TOB1: variants seen among roughly 807,000 people sequenced by gnomAD.
TOB1 encodes the protein protein Tob1.
In TOB1, 2 loss-of-function variants were observed where a neutral mutation model predicts 22.9. The observed-to-expected ratio is 0.09, with a 90% CI of 0.04 to 0.28. TOB1 has a LOEUF of 0.28. TOB1 is among the 10% of genes least tolerant of loss of function. TOB1 has a pLI of 1.00. For synonymous variants in TOB1, 154 were observed against 150.6 expected (o/e 1.02, Z -0.17); for missense variants, 299 against 420.5 (o/e 0.71, Z 2.53).
Position 50,862,603 on chromosome 17 carries a change from A to T in TOB1, c.*377T>A, listed in dbSNP as rs528984520. On this transcript the variant is annotated 3_prime_UTR_variant, in exon 2 of 2. Transcript: ENST00000499247. ...AGTAAAAAGATATAAATGCAATACCATGTCGTAGAAACAATATATATATAT... is the reference window on the plus strand; with the variant it reads ...AGTAAAAAGATATAAATGCAATACCTTGTCGTAGAAACAATATATATATAT... The T allele has an allele frequency of 2.3e-4, 37 of 163,518 alleles. No individual in the cohort carries two copies. The highest frequency in any genetic ancestry group is 8.3e-4 in the African/African-American group (35 of 41,938). The allele number at this position is 163,518 out of a possible 1,614,324, so 10.1% of individuals were successfully genotyped here.
rs1475322582 is a variant in TOB1 at position 50,863,148 on chromosome 17, G to A, written c.870C>T (p.Phe290=). 4.3e-6 allele frequency: 7 copies of A among 1,614,014 alleles called. No individual in the cohort carries two copies. The Admixed American group carries it at 1.2e-4, about 27-fold the overall frequency. The change falls in exon 2 of 2, where the codon TTC becomes TTT. Residue 290 remains phenylalanine, a synonymous_variant. Transcript: ENST00000499247. ...TGAGGTTAAGGGGGCTGTCACCTGGGAACATTCCATTGGTACTACTACCTT... is the reference window on the plus strand; with the variant it reads ...TGAGGTTAAGGGGGCTGTCACCTGGAAACATTCCATTGGTACTACTACCTT... The part of the protein sequence containing the change: ...QGQGSSTNGM[F]PGDSPLNLSP...
chr17:50,864,267 G>C (rs1472610993), intron 1 of TOB1, 104 bp from the exon 2 acceptor site: 4 of 546,112 alleles, frequency 7.3e-6, no homozygotes, highest in South Asian at 5.3e-5. Context: ...CTAAGATCCT[G>C]TGTTAGTCTG....
rs1305369211 is a variant in TOB1, at chr17:50,862,604, T to A, written c.*376A>T. On this transcript the variant is annotated 3_prime_UTR_variant, in exon 2 of 2. Coordinates refer to ENST00000499247, the MANE Select transcript of TOB1 (RefSeq NM_005749.4). ...GTAAAAAGATATAAATGCAATACCA[T>A]GTCGTAGAAACAATATATATATATC... 1.2e-5 allele frequency: 2 copies of A among 163,400 alleles called. No individual in the cohort carries two copies. The highest frequency in any genetic ancestry group is 4.8e-5 in the African/African-American group (2 of 41,796). 10.1% of individuals were successfully genotyped at this position (163,400 alleles called of 1,614,324 possible).
rs1259059070 is a variant in TOB1 at position 50,862,686 on chromosome 17, T to C, written c.*294A>G. The C allele has an allele frequency of 3.7e-6, 1 of 268,906 alleles. No individual in the cohort carries two copies. Among genetic ancestry groups the C allele is most frequent in the Non-Finnish European group, 6.9e-6 (1 of 145,012 alleles). 16.7% of individuals were successfully genotyped at this position (268,906 alleles called of 1,614,324 possible). A position where few individuals can be genotyped will look rare whatever the true frequency, so the allele number is the denominator to read the frequency against. On this transcript the variant is annotated 3_prime_UTR_variant, in exon 2 of 2. Transcript: ENST00000499247. Reference sequence around the variant, plus strand: ...AAATTATACAATTAGAAAAGACCAATAAACCCACTTATTAGTGCCAATTTT... The same window carrying C: ...AAATTATACAATTAGAAAAGACCAACAAACCCACTTATTAGTGCCAATTTT...
chr17:50,865,710 G>A (rs1276818610), intron 1 of TOB1, among the ~76,000 whole-genome samples: 3 of 151,938 alleles, frequency 2.0e-5, no homozygotes, highest in East Asian at 1.9e-4. Flanking sequence ...GGGGAGCACC[G>A]GTTCCTCGGC....
rs773238488 is a variant in TOB1, at chr17:50,862,945, G to A, written c.*35C>T. On this transcript the variant is annotated 3_prime_UTR_variant, in exon 2 of 2. Transcript: ENST00000499247. ...GAAAAAAAAAATCCCCCTTGGGCCCGTGCATTTTAACTTGTACGATACATT... is the reference window on the plus strand; with the variant it reads ...GAAAAAAAAAATCCCCCTTGGGCCCATGCATTTTAACTTGTACGATACATT... The A allele has an allele frequency of 2.1e-5, 32 of 1,532,074 alleles. No homozygotes were observed. The highest frequency in any genetic ancestry group is 1.5e-4 in the Admixed American group (7 of 46,762). The allele number at this position is 1,532,074 out of a possible 1,614,324, so 94.9% of individuals were successfully genotyped here. A position where few individuals can be genotyped will look rare whatever the true frequency, so the allele number is the denominator to read the frequency against.
intron 1 of TOB1, among the ~76,000 whole-genome samples, chr17:50,864,431 C>A (rs761731215): frequency 2.0e-5 from 3 of 152,044 alleles, no homozygotes; most frequent in Non-Finnish European, 4.4e-5. Flanking sequence ...CTTTTAAAAA[C>A]CTGTTTCTGA....
Position 50,862,741 on chromosome 17 carries a change from A to T in TOB1, c.*239T>A. The stretch of plus-strand genomic sequence containing the variant: ...AAAAAAAATCAGCCATGTCCTTGCT[A>T]TATCTTAAATACTGTAAGAGGCCAT... On this transcript the variant is annotated 3_prime_UTR_variant, in exon 2 of 2. Transcript: ENST00000499247. 2.2e-6 allele frequency: 1 copy of T among 444,962 alleles called. No individual in the cohort carries two copies. Among genetic ancestry groups the T allele is most frequent in the Non-Finnish European group, 3.6e-6 (1 of 274,148 alleles). The allele number at this position is 444,962 out of a possible 1,614,324, so 27.6% of individuals were successfully genotyped here.
Position 50,863,580 on chromosome 17 carries a change from G to A in TOB1, c.438C>T (p.Ala146=). The change falls in exon 2 of 2, where the codon GCC becomes GCT. Residue 146 remains alanine, a synonymous_variant. Transcript: ENST00000499247. ...AQVFMPISDP[A]SSVSSSPSPP... ...GCGATGGAGAGCTGGACACTGATGAGGCTGGGTCACTTATGGGCATAAAAA... is the reference window on the plus strand; with the variant it reads ...GCGATGGAGAGCTGGACACTGATGAAGCTGGGTCACTTATGGGCATAAAAA... The A allele has an allele frequency of 8.7e-6, 14 of 1,614,162 alleles. No individual in the cohort carries two copies. The highest frequency in any genetic ancestry group is 1.2e-5 in the Non-Finnish European group (14 of 1,180,042).
chr17:50,864,034 A>G lies in TOB1; in HGVS notation c.-17T>C, dbSNP rs1972259351. On this transcript the variant is annotated 5_prime_UTR_variant, in exon 2 of 2. Coordinates refer to ENST00000499247, the MANE Select transcript of TOB1 (RefSeq NM_005749.4). ...AAGCTGCATAGCTGCTACGCCACAA[A>G]ATTAGGTTTCAACTCCCCCACCAAA... The G allele has an allele frequency of 8.9e-7, 1 of 1,129,722 alleles. No homozygotes were observed. The highest frequency in any genetic ancestry group is 3.2e-5 in the Admixed American group (1 of 31,354). 70.0% of individuals were successfully genotyped at this position (1,129,722 alleles called of 1,614,324 possible). A position where few individuals can be genotyped will look rare whatever the true frequency, so the allele number is the denominator to read the frequency against.
chr17:50,862,761 G>T lies in TOB1; in HGVS notation c.*219C>A. 1 of 559,720 alleles carries T rather than the reference G, an allele frequency of 1.8e-6. No individual in the cohort carries two copies. The highest frequency in any genetic ancestry group is 2.8e-6 in the Non-Finnish European group (1 of 358,174). 34.7% of individuals were successfully genotyped at this position (559,720 alleles called of 1,614,324 possible). A position where few individuals can be genotyped will look rare whatever the true frequency, so the allele number is the denominator to read the frequency against. The stretch of plus-strand genomic sequence containing the variant: ...TTGCTATATCTTAAATACTGTAAGA[G>T]GCCATATCTGAGAGTATACTTTAAA... On this transcript the variant is annotated 3_prime_UTR_variant, in exon 2 of 2. Coordinates refer to ENST00000499247, the MANE Select transcript of TOB1 (RefSeq NM_005749.4).
At chr17:50,865,876 G>A (rs1002183547) in intron 1 of TOB1, among the ~76,000 whole-genome samples, 182 bp downstream of exon 1, 37 of 151,284 alleles carry the variant, frequency 2.4e-4, no homozygotes, top group Non-Finnish European at 3.5e-4. Flanking sequence ...ACGCGCCGGC[G>A]GCCCCTCGGA....
At position 50,862,878 on chromosome 17, in the gene TOB1, T is replaced by C; in HGVS notation, c.*102A>G. On this transcript the variant is annotated 3_prime_UTR_variant, in exon 2 of 2. Transcript: ENST00000499247. ...TTATTTTTTTAACCAAGCTTGAATGTATCCTTACTATAAGCTTAAAAAAAA... is the reference window on the plus strand; with the variant it reads ...TTATTTTTTTAACCAAGCTTGAATGCATCCTTACTATAAGCTTAAAAAAAA... 1 of 1,408,872 alleles carries C rather than the reference T, an allele frequency of 7.1e-7. No individual in the cohort carries two copies. The highest frequency in any genetic ancestry group is 9.4e-7 in the Non-Finnish European group (1 of 1,065,890). The allele number at this position is 1,408,872 out of a possible 1,614,324, so 87.3% of individuals were successfully genotyped here. A position where few individuals can be genotyped will look rare whatever the true frequency, so the allele number is the denominator to read the frequency against.
Position 50,862,932 on chromosome 17 carries a change from C to A in TOB1, c.*48G>T. 2 of 1,468,798 alleles carry A rather than the reference C, an allele frequency of 1.4e-6. No individual in the cohort carries two copies. The highest frequency in any genetic ancestry group is 1.8e-6 in the Non-Finnish European group (2 of 1,109,290). The allele number at this position is 1,468,798 out of a possible 1,614,324, so 91.0% of individuals were successfully genotyped here. The stretch of plus-strand genomic sequence containing the variant: ...TTCTCAAGGAGGTGAAAAAAAAAAT[C>A]CCCCTTGGGCCCGTGCATTTTAACT... On this transcript the variant is annotated 3_prime_UTR_variant, in exon 2 of 2. Coordinates refer to ENST00000499247, the MANE Select transcript of TOB1 (RefSeq NM_005749.4).
Position 50,863,081 on chromosome 17 carries a change from A to G in TOB1, c.937T>C (p.Tyr313His). The G allele has an allele frequency of 6.2e-7, 1 of 1,614,222 alleles. No homozygotes were observed. Among genetic ancestry groups the G allele is most frequent in the Non-Finnish European group, 8.5e-7 (1 of 1,180,044 alleles). ...YSNAFDVFAAYGGLNEKSFVD... is the reference protein window; with the variant it reads ...YSNAFDVFAAHGGLNEKSFVD... The stretch of plus-strand genomic sequence containing the variant: ...AAAGATTTCTCATTGAGGCCTCCAT[A>G]GGCTGCAAACACATCAAAGGCATTA... The change falls in exon 2 of 2, where the codon TAT becomes CAT. Residue 313 changes from tyrosine to histidine, a missense_variant. By Grantham distance (83) the Tyr-to-His change is moderately conservative. Coordinates refer to ENST00000499247, the MANE Select transcript of TOB1 (RefSeq NM_005749.4).
Position 50,864,072 on chromosome 17 carries a change from A to AAAAAAC in TOB1, c.-56_-55insGTTTTT. ...CTCCCCCACCAAAAAAAAAAAAAAA[A>AAAAAAC]AAAAAAGATGTTCAGTTTGTGGCAG... On this transcript the variant is annotated 5_prime_UTR_variant, in exon 2 of 2. Transcript: ENST00000499247. The AAAAAAC allele has an allele frequency of 6.9e-7, 1 of 1,455,222 alleles. No individual in the cohort carries two copies. Among genetic ancestry groups the AAAAAAC allele is most frequent in the Non-Finnish European group, 9.0e-7 (1 of 1,111,414 alleles). The allele number at this position is 1,455,222 out of a possible 1,614,324, so 90.1% of individuals were successfully genotyped here. A position where few individuals can be genotyped will look rare whatever the true frequency, so the allele number is the denominator to read the frequency against.
chr17:50,867,379 G>A (rs1972328128), upstream of TOB1: 1 of 152,260 alleles, frequency 6.6e-6, no homozygotes, highest in African/African-American at 2.4e-5. Flanking sequence ...GGGTAAGAGA[G>A]GGACTCGTGG....
At chr17:50,865,980 C>T (rs903416045) in intron 1 of TOB1, 78 bp downstream of exon 1, 3 of 152,014 alleles carry the variant, frequency 2.0e-5, no homozygotes, top group Non-Finnish European at 4.4e-5. Flanking sequence ...CTCGACGCCG[C>T]TGCAGCCCCT....
At chr17:50,866,415 C>T (rs1972309521), upstream of TOB1, 1 of 151,832 alleles carries the variant, frequency 6.6e-6, no homozygotes, top group Non-Finnish European at 1.5e-5. Context: ...TCCCCTCCGT[C>T]GGGGTGCGCG....
Sources: gnomAD v4.1 joint callset for allele counts (sites outside exome capture counted in the v4.1 genomes callset) on GRCh38, gnomAD v4.1.1 for gene constraint, MANE v1.5 for transcripts, NCBI Gene and HGNC (gene_info 2026-07-23, HGNC 2026-07-21) for gene names.